CCDC7: variants seen among roughly 807,000 people sequenced by gnomAD.
The protein encoded by CCDC7 is coiled-coil domain containing 7.
Under a neutral mutation model 196.9 loss-of-function variants are expected in CCDC7, and 183 were observed. That is an observed-to-expected ratio of 0.93 (90% CI 0.82 to 1.05). CCDC7 has a LOEUF of 1.05. CCDC7 is among the 50% of genes least tolerant of loss of function. CCDC7 has a pLI of 0.00. For missense variants in CCDC7, 1,540 were observed against 1,482.2 expected, an observed-to-expected ratio of 1.04 and a Z score of -0.64; for synonymous variants, 525 against 484.6, an observed-to-expected ratio of 1.08 and a Z score of -1.10.
At chr10:32,736,864 C>T (rs1201556817) in intron 28 of CCDC7, among the ~76,000 whole-genome samples, 1 of 151,978 alleles carries the variant, frequency 6.6e-6, no homozygotes, top group Admixed American at 6.6e-5. Context: ...CTTTTCTTGT[C>T]TTACTGCATT....
chr10:32,824,464 CAT>C (rs770532791), intron 31 of CCDC7, 52 bp from the exon 33 acceptor site: 565 of 1,137,984 alleles, frequency 5.0e-4, no homozygotes, highest in Admixed American at 6.2e-4. Flanking sequence ...TGCACACACA[CAT>C]GTTAATATTT....
At chr10:32,569,784 C>T (rs1183139939) in intron 15 of CCDC7, among the ~76,000 whole-genome samples, 1 of 152,070 alleles carries the variant, frequency 6.6e-6, no homozygotes, top group Non-Finnish European at 1.5e-5. Flanking sequence ...TATGTTTAAT[C>T]ATTTATTTTT....
At chr10:32,488,684 T>C (rs756429159) in intron 8 of CCDC7, among the ~76,000 whole-genome samples, 1 of 152,238 alleles carries the variant, frequency 6.6e-6, no homozygotes. Flanking sequence ...TATCACTCTG[T>C]TAAACTTCTC....
At chr10:32,574,344 A>T in intron 16 of CCDC7, 1 of 839,768 alleles carries the variant, frequency 1.2e-6, no homozygotes, top group African/African-American at 1.8e-5. Context: ...ATATTATATT[A>T]TGTTGCTAAA....
intron 3 of CCDC7, among the ~76,000 whole-genome samples, chr10:32,459,142 G>A (rs1374770697): frequency 6.6e-6 from 1 of 151,828 alleles, no homozygotes; most frequent in East Asian, 1.9e-4. Flanking sequence ...TTTATATTTT[G>A]CAGCTTTACT....
chr10:32,768,808 T>G (rs2078717226), intron 28 of CCDC7, among the ~76,000 whole-genome samples: 1 of 152,194 alleles, frequency 6.6e-6, no homozygotes, highest in South Asian at 2.1e-4. Flanking sequence ...CTTTTTGTGT[T>G]GAATAACATT....
At chr10:32,464,267 A>C (rs1165543645) in intron 5 of CCDC7, among the ~76,000 whole-genome samples, 1 of 152,158 alleles carries the variant, frequency 6.6e-6, no homozygotes, top group African/African-American at 2.4e-5. Flanking sequence ...CTGTTTTTCC[A>C]ATTATTACTT....
intron 21 of CCDC7, among the ~76,000 whole-genome samples, 171 bp from the exon 23 acceptor site, chr10:32,685,798 TA>T (rs2076399700): frequency 6.6e-6 from 1 of 152,222 alleles, no homozygotes. Flanking sequence ...ATACAGCCAT[TA>T]AAATTCTTTT....
intron 20 of CCDC7, among the ~76,000 whole-genome samples, chr10:32,638,780 G>A (rs2066147082): frequency 6.6e-6 from 1 of 152,092 alleles, no homozygotes; most frequent in Non-Finnish European, 1.5e-5. Context: ...TTTTTCTATT[G>A]ATTGGAATAG....
intron 8 of CCDC7, among the ~76,000 whole-genome samples, chr10:32,486,981 G>C (rs565876359): frequency 9.2e-5 from 14 of 151,990 alleles, no homozygotes; most frequent in African/African-American, 2.7e-4. Flanking sequence ...TGGAGTTGCT[G>C]TTCTCGAGGA....
At position 32,511,267 on chromosome 10, in the gene CCDC7, G is replaced by C; in HGVS notation, c.873-6678G>C. The C allele has an allele frequency of 1.3e-5, 7 of 553,510 alleles. 2 individuals are homozygous for C. Among genetic ancestry groups the C allele is most frequent in the South Asian group, 6.9e-5 (3 of 43,206 alleles). The allele number at this position is 553,510 out of a possible 1,614,324, so 34.3% of individuals were successfully genotyped here. On this transcript the variant is annotated intron_variant, in intron 9 of 41. Coordinates refer to ENST00000639629, the Ensembl canonical transcript of CCDC7. ...AGAATTATTCTGTGGGGGGCGGGGGGGGCGGGGAAATGTACTTTTTGAATA... is the reference window on the plus strand; with the variant it reads ...AGAATTATTCTGTGGGGGGCGGGGGCGGCGGGGAAATGTACTTTTTGAATA...
At chr10:32,737,300 A>T (rs182201481) in intron 28 of CCDC7, among the ~76,000 whole-genome samples, 33 of 152,164 alleles carry the variant, frequency 2.2e-4, no homozygotes, top group Non-Finnish European at 4.6e-4. Context: ...TTCATGAGAG[A>T]TGTTGGTTTG....
At chr10:32,677,994 T>G (rs1024657193) in intron 21 of CCDC7, among the ~76,000 whole-genome samples, 3 of 152,110 alleles carry the variant, frequency 2.0e-5, no homozygotes, top group Non-Finnish European at 2.9e-5. Context: ...AGTCTGCTTT[T>G]GAGGCTATCT....
rs1593380633 is a variant in CCDC7 at position 32,845,479 on chromosome 10, AACAC to A, written c.3437-58_3437-55del. The stretch of plus-strand genomic sequence containing the variant: ...ATATCCTCCTATAATTAAACACAAA[AACAC>A]ACACAAGTATGGTAATGATAATCTT... On this transcript the variant is annotated intron_variant, in intron 34 of 41. Transcript: ENST00000639629. 8.6e-6 allele frequency: 12 copies of A among 1,401,308 alleles called. No homozygotes were observed. In the East Asian group the frequency reaches 2.7e-4, roughly 32 times the overall value. The allele number at this position is 1,401,308 out of a possible 1,614,324, so 86.8% of individuals were successfully genotyped here.
intron 29 of CCDC7, among the ~76,000 whole-genome samples, chr10:32,793,420 G>T (rs1187885403): frequency 6.6e-6 from 1 of 152,106 alleles, no homozygotes; most frequent in African/African-American, 2.4e-5. Flanking sequence ...ATCCATTACT[G>T]TAGTACCTGT....
At chr10:32,707,466 G>T (rs1249397072) in intron 24 of CCDC7, among the ~76,000 whole-genome samples, 1 of 152,088 alleles carries the variant, frequency 6.6e-6, no homozygotes, top group African/African-American at 2.4e-5. Flanking sequence ...GGAAGTTCTG[G>T]CCCGGGCAAT....
chr10:32,862,256 G>A (rs966682909), intron 41 of CCDC7, among the ~76,000 whole-genome samples: 6 of 152,132 alleles, frequency 3.9e-5, no homozygotes, highest in East Asian at 3.9e-4. Flanking sequence ...ATGAGTTCAC[G>A]TCCTTTGCAG....
chr10:32,612,165 T>G (rs928892071), intron 18 of CCDC7, among the ~76,000 whole-genome samples: 11 of 152,218 alleles, frequency 7.2e-5, no homozygotes, highest in Admixed American at 2.0e-4. Context: ...CTAGGTATTT[T>G]ATTCTCTTTG....
intron 1 of CCDC7, 179 bp downstream of exon 1, chr10:32,446,576 C>A (rs1592677905): frequency 6.6e-6 from 1 of 152,180 alleles, no homozygotes; most frequent in African/African-American, 2.4e-5. Context: ...CCCCTGCCAA[C>A]CCCTGCCGCT....
Sources: allele counts gnomAD v4.1 joint callset (sites outside exome capture counted in the v4.1 genomes callset), GRCh38; gene constraint gnomAD v4.1.1; transcripts MANE v1.5; gene names NCBI Gene and HGNC (gene_info 2026-07-23, HGNC 2026-07-21).